RGL1: variants seen among roughly 807,000 people sequenced by gnomAD.
The protein encoded by RGL1 is ral guanine nucleotide dissociation stimulator-like 1.
A neutral mutation model predicts 95.2 loss-of-function variants in RGL1; 24 were observed. That is an observed-to-expected ratio of 0.25 (90% CI 0.18 to 0.35). The LOEUF is 0.35. RGL1 is among the 10% of genes least tolerant of loss of function. The probability of loss-of-function intolerance (pLI) is 1.00; values close to 1 mark genes in which losing one functional copy is unlikely to be tolerated. For missense variants in RGL1, 715 were observed against 936.3 expected (o/e 0.76, Z 3.08); for synonymous variants, 329 against 344.9 (o/e 0.95, Z 0.51).
intron 1 of RGL1, among the ~76,000 whole-genome samples, chr1:183,650,270 G>A (rs559268665): frequency 3.9e-4 from 56 of 145,320 alleles, no homozygotes; most frequent in East Asian, 3.2e-3. Flanking sequence ...TCGGCCAGGC[G>A]TGGTGGCTCA....
At chr1:183,906,952 T>C in intron 13 of RGL1, 60 bp from the exon 14 acceptor site, 1 of 918,256 alleles carries the variant, frequency 1.1e-6, no homozygotes, top group Non-Finnish European at 1.8e-6. Flanking sequence ...ATCATGTGAA[T>C]TTAAGTGTGT....
intron 6 of RGL1, among the ~76,000 whole-genome samples, 164 bp downstream of exon 6, chr1:183,884,074 A>G (rs1188796780): frequency 1.3e-5 from 2 of 152,250 alleles, no homozygotes; most frequent in African/African-American, 2.4e-5. Context: ...TCTTGAATCA[A>G]TCATCTGAAT....
chr1:183,839,010 C>T (rs1003078080), intron 2 of RGL1, among the ~76,000 whole-genome samples: 1 of 152,170 alleles, frequency 6.6e-6, no homozygotes, highest in Non-Finnish European at 1.5e-5. Flanking sequence ...TATGTCAGCA[C>T]ATATGTGAAT....
chr1:183,761,882 A>C lies in RGL1; in HGVS notation c.132+19593A>C, dbSNP rs114267959. 6.5e-3 allele frequency among the ~76,000 whole-genome samples: 991 copies of C among 152,220 alleles called. 10 individuals are homozygous for C. The highest frequency in any genetic ancestry group is 0.022 in the African/African-American group (916 of 41,540). On this transcript the variant is annotated intron_variant, in intron 2 of 18. Coordinates refer to the RGL1 transcript ENST00000304685. ...ATTTACTGCTTCACCTTGCACTTTT[A>C]AGTTATGGAGATGTCTTCTTCTCTT...
chr1:183,750,069 G>C (rs1279360381), intron 2 of RGL1, among the ~76,000 whole-genome samples: 1 of 152,110 alleles, frequency 6.6e-6, no homozygotes, highest in Non-Finnish European at 1.5e-5. Context: ...GCATCTTAGT[G>C]GTGCTCTCTG....
intron 1 of RGL1, among the ~76,000 whole-genome samples, chr1:183,650,413 T>G (rs6424900): frequency 0.02 from 2,981 of 152,026 alleles, 87 homozygotes; most frequent in African/African-American, 0.068. Flanking sequence ...TGTGGTGGCA[T>G]GCGCCTGTAG....
chr1:183,774,817 G>A (rs914774820), intron 2 of RGL1, among the ~76,000 whole-genome samples: 2 of 151,706 alleles, frequency 1.3e-5, no homozygotes, highest in Non-Finnish European at 2.9e-5. Context: ...CTCGTAATCC[G>A]CCCGCCTCAG....
At chr1:183,722,381 G>GAAGAGAAGAGAGTAA (rs1656059501) in intron 1 of RGL1, among the ~76,000 whole-genome samples, 1 of 151,978 alleles carries the variant, frequency 6.6e-6, no homozygotes, top group Non-Finnish European at 1.5e-5. Flanking sequence ...GGAGGCTTCA[G>GAAGAGAAGAGAGTAA]AAGAGAAGAG....
chr1:183,840,178 C>T (rs1386704011), intron 2 of RGL1, among the ~76,000 whole-genome samples: 1 of 152,146 alleles, frequency 6.6e-6, no homozygotes, highest in African/African-American at 2.4e-5. Flanking sequence ...GAATGAGGGT[C>T]TTATGATCTA....
At chr1:183,836,906 AG>A (rs1663702347) in intron 2 of RGL1, among the ~76,000 whole-genome samples, 1 of 152,184 alleles carries the variant, frequency 6.6e-6, no homozygotes, top group Non-Finnish European at 1.5e-5. Context: ...TCCGAGATCC[AG>A]GGGAGTAATA....
chr1:183,866,368 G>A (rs1183384540), intron 4 of RGL1, among the ~76,000 whole-genome samples: 1 of 152,168 alleles, frequency 6.6e-6, no homozygotes, highest in Non-Finnish European at 1.5e-5. Flanking sequence ...ACCAGAAAGA[G>A]ACAAAGAATA....
At chr1:183,874,020 T>C (rs1279604316) in intron 4 of RGL1, among the ~76,000 whole-genome samples, 4 of 152,212 alleles carry the variant, frequency 2.6e-5, no homozygotes, top group African/African-American at 9.7e-5. Flanking sequence ...ACTCCCTTCT[T>C]GGACTGTGGG....
chr1:183,761,292 A>G (rs1658653417), intron 2 of RGL1, among the ~76,000 whole-genome samples: 1 of 152,148 alleles, frequency 6.6e-6, no homozygotes, highest in African/African-American at 2.4e-5. Context: ...AGACAAAATT[A>G]CTCTCTGACC....
intron 1 of RGL1, among the ~76,000 whole-genome samples, chr1:183,673,177 C>T (rs1249305768): frequency 6.6e-6 from 1 of 152,106 alleles, no homozygotes; most frequent in Non-Finnish European, 1.5e-5. Context: ...TTTTTAAAAC[C>T]TCACAGTCAA....
At chr1:183,902,701 G>A in intron 12 of RGL1, 101 bp downstream of exon 12, 1 of 1,088,856 alleles carries the variant, frequency 9.2e-7, no homozygotes, top group Non-Finnish European at 1.4e-6. Flanking sequence ...AAATGAGTTA[G>A]CACCTACTGA....
intron 2 of RGL1, among the ~76,000 whole-genome samples, chr1:183,781,063 G>A (rs4539093): frequency 0.015 from 2,329 of 152,278 alleles, 75 homozygotes; most frequent in African/African-American, 0.054. Flanking sequence ...AGGGATAAGA[G>A]TGATCCTTCC....
At chr1:183,698,241 G>A (rs549502583) in intron 1 of RGL1, among the ~76,000 whole-genome samples, 23 of 152,324 alleles carry the variant, frequency 1.5e-4, no homozygotes, top group African/African-American at 5.5e-4. Flanking sequence ...GGTGGGCTCA[G>A]CCCTTGCGTT....
At chr1:183,861,560 G>C (rs919900885) in intron 3 of RGL1, among the ~76,000 whole-genome samples, 1 of 152,076 alleles carries the variant, frequency 6.6e-6, no homozygotes, top group African/African-American at 2.4e-5. Context: ...GTAAATAATT[G>C]CTTAAGGCTG....
At chr1:183,922,740 G>T (rs898007918) in intron 17 of RGL1, among the ~76,000 whole-genome samples, 1 of 152,102 alleles carries the variant, frequency 6.6e-6, no homozygotes, top group African/African-American at 2.4e-5. Flanking sequence ...GAAATTTAGT[G>T]GTTCCTGTAA....
Sources: gnomAD v4.1 joint callset for allele counts (sites outside exome capture counted in the v4.1 genomes callset) on GRCh38, gnomAD v4.1.1 for gene constraint, MANE v1.5 for transcripts, NCBI Gene and HGNC (gene_info 2026-07-23, HGNC 2026-07-21) for gene names.